NR6A1: variants seen among roughly 807,000 people sequenced by gnomAD.
NR6A1 encodes the protein retinoic acid receptor-related testis-associated receptor.
A neutral mutation model predicts 59.1 loss-of-function variants in NR6A1; 7 were observed. The ratio of observed to expected loss-of-function variants is 0.12; its 90% CI spans 0.07 to 0.22. NR6A1 has a LOEUF of 0.22. Among genes scored for constraint, NR6A1 ranks in the 10% least tolerant of loss-of-function variants. The pLI is 1.00. For synonymous variants in NR6A1, 243 were observed against 236.1 expected (o/e 1.03, Z -0.27); for missense variants, 468 against 611.6 (o/e 0.77, Z 2.48).
chr9:124,702,089 C>T (rs185551596), intron 2 of NR6A1, among the ~76,000 whole-genome samples: 7 of 152,242 alleles, frequency 4.6e-5, no homozygotes, highest in African/African-American at 7.2e-5. Context: ...TTCTTAATAA[C>T]GTATTTTGAA....
chr9:124,680,329 C>T (rs1284235374), intron 2 of NR6A1, among the ~76,000 whole-genome samples: 5 of 152,090 alleles, frequency 3.3e-5, no homozygotes, highest in Admixed American at 1.3e-4. Flanking sequence ...TCTTATTCCC[C>T]CACAACCAGA....
intron 2 of NR6A1, among the ~76,000 whole-genome samples, chr9:124,624,686 T>C (rs777273549): frequency 2.0e-5 from 3 of 152,208 alleles, no homozygotes; most frequent in South Asian, 2.1e-4. Context: ...ATGAAACAGC[T>C]CTTTGAGATA....
intron 2 of NR6A1, among the ~76,000 whole-genome samples, chr9:124,608,653 A>G (rs1303517011): frequency 2.6e-5 from 4 of 152,234 alleles, no homozygotes; most frequent in Admixed American, 6.5e-5. Context: ...CTTTGGGTAT[A>G]TACCCAGTAA....
At chr9:124,726,543 C>T (rs1205052273) in intron 2 of NR6A1, among the ~76,000 whole-genome samples, 1 of 152,128 alleles carries the variant, frequency 6.6e-6, no homozygotes, top group Non-Finnish European at 1.5e-5. Flanking sequence ...TTCACTTTTG[C>T]AATTTGGGGA....
intron 2 of NR6A1, chr9:124,598,634 G>A (rs553498696): frequency 5.5e-5 from 19 of 343,790 alleles, no homozygotes; most frequent in South Asian, 3.6e-4. Flanking sequence ...AAAAAAGAGG[G>A]GCAGAGTAAA....
At chr9:124,563,747 T>C (rs1834149361) in intron 2 of NR6A1, among the ~76,000 whole-genome samples, 1 of 152,212 alleles carries the variant, frequency 6.6e-6, no homozygotes, top group Admixed American at 6.5e-5. Context: ...GTACTTCCAA[T>C]TTTGAATTTT....
chr9:124,553,517 C>A (rs1480991242), intron 3 of NR6A1, among the ~76,000 whole-genome samples: 7 of 132,388 alleles, frequency 5.3e-5, no homozygotes, highest in Non-Finnish European at 1.1e-4. Context: ...TCAGAGGGTC[C>A]TATAGAGAAA....
At chr9:124,670,888 G>A (rs1053374388) in intron 2 of NR6A1, among the ~76,000 whole-genome samples, 9 of 152,144 alleles carry the variant, frequency 5.9e-5, no homozygotes, top group Admixed American at 5.2e-4. Flanking sequence ...AGACCACTTG[G>A]GCCGTTGCAG....
intron 2 of NR6A1, among the ~76,000 whole-genome samples, chr9:124,615,734 G>T (rs1435385886): frequency 6.6e-6 from 1 of 152,000 alleles, no homozygotes; most frequent in Non-Finnish European, 1.5e-5. Context: ...AAATTTACAT[G>T]TTCCTGGAAT....
At chr9:124,539,882 A>T in intron 5 of NR6A1, 151 bp downstream of exon 5, 2 of 854,014 alleles carry the variant, frequency 2.3e-6, no homozygotes, top group Non-Finnish European at 3.5e-6. Flanking sequence ...CACTGTTTTT[A>T]ATCTTCCTGA....
chr9:124,624,298 T>C (rs536722221), intron 2 of NR6A1, among the ~76,000 whole-genome samples: 7 of 152,342 alleles, frequency 4.6e-5, no homozygotes, highest in Non-Finnish European at 8.8e-5. Flanking sequence ...GTGGCAGCAG[T>C]GGGATCACAG....
intron 2 of NR6A1, among the ~76,000 whole-genome samples, chr9:124,573,346 A>G (rs949789656): frequency 3.3e-5 from 5 of 152,254 alleles, no homozygotes; most frequent in Admixed American, 1.3e-4. Flanking sequence ...GCATACTTCC[A>G]TAAGTAAGGC....
At chr9:124,770,940 G>A (rs1227159002) in intron 1 of NR6A1, 80 bp downstream of exon 1, 7 of 818,444 alleles carry the variant, frequency 8.6e-6, no homozygotes, top group Non-Finnish European at 9.8e-6. Context: ...GCGAGGGTCG[G>A]CAGAGAGGAG....
chr9:124,718,957 G>C (rs1839485048), intron 2 of NR6A1, among the ~76,000 whole-genome samples: 1 of 151,438 alleles, frequency 6.6e-6, no homozygotes, highest in Non-Finnish European at 1.5e-5. Flanking sequence ...TGGGATGACA[G>C]GCATGCACCA....
intron 2 of NR6A1, among the ~76,000 whole-genome samples, chr9:124,580,073 GT>G (rs1834718879): frequency 6.6e-6 from 1 of 152,094 alleles, no homozygotes; most frequent in African/African-American, 2.4e-5. Flanking sequence ...TCTACTCCTA[GT>G]TATTTAACAC....
At chr9:124,724,269 A>G (rs898341179) in intron 2 of NR6A1, among the ~76,000 whole-genome samples, 3 of 152,146 alleles carry the variant, frequency 2.0e-5, no homozygotes, top group Admixed American at 2.0e-4. Flanking sequence ...AACGTGAAGC[A>G]ATGGTTATTT....
intron 2 of NR6A1, chr9:124,693,714 T>C: frequency 1.9e-6 from 1 of 534,540 alleles, no homozygotes; most frequent in East Asian, 5.5e-5. Context: ...AAAACACTGA[T>C]GGCTGCACTC....
chr9:124,768,338 T>C (rs1840997545), intron 1 of NR6A1, among the ~76,000 whole-genome samples: 1 of 152,190 alleles, frequency 6.6e-6, no homozygotes. Flanking sequence ...CATATATTTT[T>C]GGAGAAAAAT....
intron 2 of NR6A1, among the ~76,000 whole-genome samples, chr9:124,584,232 C>T (rs1371492091): frequency 6.6e-6 from 1 of 151,822 alleles, no homozygotes; most frequent in Non-Finnish European, 1.5e-5. Context: ...CTCAGCCTCC[C>T]GAGTAGCTGG....
Sources: allele counts gnomAD v4.1 joint callset (sites outside exome capture counted in the v4.1 genomes callset), GRCh38; gene constraint gnomAD v4.1.1; transcripts MANE v1.5; gene names NCBI Gene and HGNC (gene_info 2026-07-23, HGNC 2026-07-21).